TGFB1I1: variants seen among roughly 807,000 people sequenced by gnomAD.
TGFB1I1 encodes transforming growth factor beta 1 induced transcript 1.
Under a neutral mutation model 52.0 loss-of-function variants are expected in TGFB1I1, and 33 were observed. The ratio of observed to expected loss-of-function variants is 0.63; its 90% CI spans 0.48 to 0.85. The LOEUF is 0.85. Ranked by LOEUF, TGFB1I1 falls within the 40% of genes least tolerant of loss-of-function variation. The pLI is 0.00. For missense variants in TGFB1I1, 577 were observed against 614.9 expected, an observed-to-expected ratio of 0.94 and a Z score of 0.65; for synonymous variants, 236 against 253.3, an observed-to-expected ratio of 0.93 and a Z score of 0.65.
In TGFB1I1 at chr16:31,474,361, C is replaced by A. The variant is rs142547916; in HGVS notation, c.425C>A (p.Pro142Gln). Residue 142 changes from proline (P) to glutamine (Q), a missense_variant, in exon 6 of 11, where the codon CCG (proline) becomes CAG (glutamine). By Grantham distance (76) the Pro-to-Gln change is moderately conservative (BLOSUM62 -1). Transcript: ENST00000394863. This position sits in a 1 kb window ranked among gnomAD's most constrained non-coding sequence, Gnocchi z 4.2. ...CATGTTCTTCACAGCCCTTCCAGCCCGTCTCCTGGCCTCCCAAAGGCTTCT... is the reference window on the plus strand; with the variant it reads ...CATGTTCTTCACAGCCCTTCCAGCCAGTCTCCTGGCCTCCCAAAGGCTTCT... ...DKKRPSLPSS[P>Q]SPGLPKASAT... 5.6e-6 allele frequency: 9 copies of A among 1,614,176 alleles called. No individual in the cohort carries two copies. The African/African-American group carries it at 1.2e-4, about 22-fold the overall frequency.
Position 31,474,891 on chromosome 16 carries a change from A to G in TGFB1I1, c.714+134A>G, listed in dbSNP as rs866452269. 3 of 866,706 alleles carry G rather than the reference A, an allele frequency of 3.5e-6. No homozygotes were observed. Among genetic ancestry groups the G allele is most frequent in the African/African-American group, 3.4e-5 (2 of 59,088 alleles). 53.7% of individuals were successfully genotyped at this position (866,706 alleles called of 1,614,324 possible). A position where few individuals can be genotyped will look rare whatever the true frequency, so the allele number is the denominator to read the frequency against. On this transcript the variant is annotated intron_variant, in intron 7 of 10. Coordinates refer to ENST00000394863, the MANE Select transcript of TGFB1I1 (RefSeq NM_001042454.3). This position sits in a 1 kb window ranked among gnomAD's most constrained non-coding sequence, Gnocchi z 4.2. ...TATCATTATTACTTATGTTTTATGG[A>G]TGAGGAAACTGAAGCTCTGAACCAC...
Position 31,473,877 on chromosome 16 carries a change from G to T in TGFB1I1, c.225G>T (p.Ala75=). 1 of 1,614,074 alleles carries T rather than the reference G, an allele frequency of 6.2e-7. No individual in the cohort carries two copies. Among genetic ancestry groups the T allele is most frequent in the Non-Finnish European group, 8.5e-7 (1 of 1,180,036 alleles). The change falls in exon 4 of 11, where the codon GCG becomes GCT. Residue 75 remains alanine, a synonymous_variant. Transcript: ENST00000394863. ...GGTCCCCAAAGCCTGCAGCCCCGGC[G>T]GCCCCTCCATTCTCCTCTTCCAGCG... ...KPRSPKPAAP[A]APPFSSSSGV...
chr16:31,477,800 G>C lies in TGFB1I1; in HGVS notation c.*224G>C. 1.6e-6 allele frequency: 1 copy of C among 609,808 alleles called. No homozygotes were observed. The highest frequency in any genetic ancestry group is 2.8e-6 in the Non-Finnish European group (1 of 362,032). The allele number at this position is 609,808 out of a possible 1,614,324, so 37.8% of individuals were successfully genotyped here. On this transcript the variant is annotated 3_prime_UTR_variant, in exon 11 of 11. Coordinates refer to ENST00000394863, the MANE Select transcript of TGFB1I1 (RefSeq NM_001042454.3). This position sits in a 1 kb window ranked among gnomAD's most constrained non-coding sequence, Gnocchi z 4.7. ...TGCACACAGACAAGAACTCCCGTGC[G>C]GGCCTCCACTCTATTCCCACCCTTG...
At chr16:31,472,325 G>A (rs2082396058) in intron 1 of TGFB1I1, 124 bp downstream of exon 1, 6 of 1,342,424 alleles carry the variant, frequency 4.5e-6, no homozygotes, top group Middle Eastern at 2.0e-4. Flanking sequence ...CTCTGCCCGC[G>A]CCTCCTTTCC....
In TGFB1I1 at chr16:31,474,127, T is replaced by C; in HGVS notation, c.326-25T>C. 6.2e-7 allele frequency: 1 copy of C among 1,613,196 alleles called. No individual in the cohort carries two copies. The highest frequency in any genetic ancestry group is 8.5e-7 in the Non-Finnish European group (1 of 1,179,352). The stretch of plus-strand genomic sequence containing the variant: ...GGTGCGTTGAGCATGGCCCTATATG[T>C]AGCGTCCTCCTCTCCTCTCTCCAGA... On this transcript the variant is annotated intron_variant, in intron 4 of 10. Transcript: ENST00000394863. This position sits in a 1 kb window ranked among gnomAD's most constrained non-coding sequence, Gnocchi z 4.2.
At chr16:31,472,242 C>A in intron 1 of TGFB1I1, 41 bp downstream of exon 1, 2 of 1,447,828 alleles carry the variant, frequency 1.4e-6, no homozygotes, top group Non-Finnish European at 1.8e-6. Flanking sequence ...CCCCTCACCG[C>A]TGCCCAGAGC....
intron 7 of TGFB1I1, chr16:31,475,712 C>T (rs2082418993): frequency 7.2e-6 from 2 of 279,482 alleles, no homozygotes; most frequent in Middle Eastern, 1.0e-3. Context: ...GAGGCACGAG[C>T]CACCCAGCCT....
intron 1 of TGFB1I1, 59 bp downstream of exon 1, chr16:31,472,260 C>T (rs932415300): frequency 7.0e-7 from 1 of 1,426,190 alleles, no homozygotes; most frequent in Admixed American, 2.6e-5. Flanking sequence ...AGCTGCCTCC[C>T]CGCCGTCGCT....
In TGFB1I1 at chr16:31,477,872, G is replaced by C; in HGVS notation, c.*296G>C. On this transcript the variant is annotated 3_prime_UTR_variant, in exon 11 of 11. Coordinates refer to ENST00000394863, the MANE Select transcript of TGFB1I1 (RefSeq NM_001042454.3). This position sits in a 1 kb window ranked among gnomAD's most constrained non-coding sequence, Gnocchi z 4.7. ...AGGGTCCTTGCAATTCCAGCGAATCGGAGGCCAGGCCAGGACGTCCTTGCT... is the reference window on the plus strand; with the variant it reads ...AGGGTCCTTGCAATTCCAGCGAATCCGAGGCCAGGCCAGGACGTCCTTGCT... 1 of 474,322 alleles carries C rather than the reference G, an allele frequency of 2.1e-6. No homozygotes were observed. The highest frequency in any genetic ancestry group is 3.5e-5 in the South Asian group (1 of 28,860). 29.4% of individuals were successfully genotyped at this position (474,322 alleles called of 1,614,324 possible).
Position 31,477,878 on chromosome 16 carries a change from C to A in TGFB1I1, c.*302C>A. ...CTTGCAATTCCAGCGAATCGGAGGC[C>A]AGGCCAGGACGTCCTTGCTCCCTGC... On this transcript the variant is annotated 3_prime_UTR_variant, in exon 11 of 11. Transcript: ENST00000394863. The surrounding 1 kb of genome is among the most constrained non-coding windows in gnomAD (Gnocchi z 4.7). 1 of 467,350 alleles carries A rather than the reference C, an allele frequency of 2.1e-6. No individual in the cohort carries two copies. The highest frequency in any genetic ancestry group is 3.8e-6 in the Non-Finnish European group (1 of 263,488). 29.0% of individuals were successfully genotyped at this position (467,350 alleles called of 1,614,324 possible).
At chr16:31,473,389 T>C in intron 1 of TGFB1I1, 52 bp from the exon 2 acceptor site, 4 of 1,580,146 alleles carry the variant, frequency 2.5e-6, no homozygotes, top group African/African-American at 1.3e-5. Context: ...GAACCTTATC[T>C]TCTGATCTAA....
chr16:31,473,205 G>A (rs2082401140), intron 1 of TGFB1I1: 2 of 1,340,540 alleles, frequency 1.5e-6, no homozygotes, highest in Non-Finnish European at 1.9e-6. Context: ...GAGAAGATGG[G>A]GAGAATAAAA....
rs934503124 is a variant in TGFB1I1 at position 31,472,472 on chromosome 16, G to A, written c.13+271G>A. ...GAGGTGCGGCGCCCGCGGGCGCCCG[G>A]GCGCGGGGCTCTGGGGAGGGAGGGG... On this transcript the variant is annotated intron_variant, in intron 1 of 10. Coordinates refer to ENST00000394863, the MANE Select transcript of TGFB1I1 (RefSeq NM_001042454.3). 31 of 474,412 alleles carry A rather than the reference G, an allele frequency of 6.5e-5. No homozygotes were observed. The East Asian group carries it at 1.2e-3, about 18-fold the overall frequency. The allele number at this position is 474,412 out of a possible 1,614,324, so 29.4% of individuals were successfully genotyped here.
rs2082427637 is a variant in TGFB1I1 at position 31,476,872 on chromosome 16, G to A, written c.981G>A (p.Glu327=). ...GEPFGDEGFH[E]REGRPYCRRD... ...GGTTCCCTCTCCTAGGTTTCCACGA[G>A]CGCGAGGGCCGCCCCTACTGCCGCC... The change falls in exon 10 of 11, where the codon GAG becomes GAA. Residue 327 remains glutamate (E), a synonymous_variant. Transcript: ENST00000394863. This position sits in a 1 kb window ranked among gnomAD's most constrained non-coding sequence, Gnocchi z 7.6. 1 of 1,611,452 alleles carries A rather than the reference G, an allele frequency of 6.2e-7. No individual in the cohort carries two copies. Among genetic ancestry groups the A allele is most frequent in the African/African-American group, 1.3e-5 (1 of 74,910 alleles).
intron 7 of TGFB1I1, 66 bp from the exon 8 acceptor site, chr16:31,475,946 A>T: frequency 6.5e-7 from 1 of 1,532,714 alleles, no homozygotes; most frequent in Non-Finnish European, 8.8e-7. Context: ...AACGCCGCGT[A>T]AATCTTGCCT....
Position 31,477,042 on chromosome 16 carries a change from C to T in TGFB1I1, c.1119+32C>T, listed in dbSNP as rs1176506909. 3 of 666,356 alleles carry T rather than the reference C, an allele frequency of 4.5e-6. No individual in the cohort carries two copies. The highest frequency in any genetic ancestry group is 4.4e-5 in the South Asian group (3 of 67,890). 41.3% of individuals were successfully genotyped at this position (666,356 alleles called of 1,614,324 possible). A position where few individuals can be genotyped will look rare whatever the true frequency, so the allele number is the denominator to read the frequency against. On this transcript the variant is annotated intron_variant, in intron 10 of 10. Coordinates refer to ENST00000394863, the MANE Select transcript of TGFB1I1 (RefSeq NM_001042454.3). The surrounding 1 kb of genome is among the most constrained non-coding windows in gnomAD (Gnocchi z 4.7). ...GCTGCGGGGCGGGGCGTTGGAGGGG[C>T]GGGTCAAGGGTACAGGGCTGTGGGG...
chr16:31,474,022 G>A lies in TGFB1I1; in HGVS notation c.325+45G>A. 6.4e-7 allele frequency: 1 copy of A among 1,566,984 alleles called. No individual in the cohort carries two copies. Among genetic ancestry groups the A allele is most frequent in the African/African-American group, 1.4e-5 (1 of 73,994 alleles). On this transcript the variant is annotated intron_variant, in intron 4 of 10. Coordinates refer to ENST00000394863, the MANE Select transcript of TGFB1I1 (RefSeq NM_001042454.3). This position sits in a 1 kb window ranked among gnomAD's most constrained non-coding sequence, Gnocchi z 4.2. ...AGGCCTTGATGCGATAGGGGCAGGGGAGGGAAGGGTGGGGCAGAGACTAAG... is the reference window on the plus strand; with the variant it reads ...AGGCCTTGATGCGATAGGGGCAGGGAAGGGAAGGGTGGGGCAGAGACTAAG...
chr16:31,476,442 G>C lies in TGFB1I1; in HGVS notation c.889-39G>C. 6.3e-7 allele frequency: 1 copy of C among 1,589,062 alleles called. No homozygotes were observed. On this transcript the variant is annotated intron_variant, in intron 8 of 10. Transcript: ENST00000394863. The surrounding 1 kb of genome is among the most constrained non-coding windows in gnomAD (Gnocchi z 7.6). ...CCGCGCGGGAGAGGAAGGCGCGAAGGCACGGAGGCCGCGCTGAGTGCCCTC... is the reference window on the plus strand; with the variant it reads ...CCGCGCGGGAGAGGAAGGCGCGAAGCCACGGAGGCCGCGCTGAGTGCCCTC...
At position 31,476,924 on chromosome 16, in the gene TGFB1I1, C is replaced by T. The variant is rs983501037; in HGVS notation, c.1033C>T (p.Arg345Cys). ...RRDFLQLFAP[R>C]CQGCQGPILD... ...GGACTTCCTGCAGCTGTTCGCCCCG[C>T]GCTGCCAGGGCTGCCAGGGCCCCAT... The change falls in exon 10 of 11, where the codon CGC becomes TGC. Residue 345 changes from arginine to cysteine, a missense_variant. Arg to Cys is a radical substitution (Grantham distance 180). Transcript: ENST00000394863. The surrounding 1 kb of genome is among the most constrained non-coding windows in gnomAD (Gnocchi z 7.6). The T allele has an allele frequency of 1.2e-6, 2 of 1,608,410 alleles. No individual in the cohort carries two copies. The highest frequency in any genetic ancestry group is 3.3e-5 in the Admixed American group (2 of 59,882).
Sources: gnomAD v4.1 joint callset for allele counts on GRCh38, gnomAD v4.1.1 for gene constraint, Gnocchi (gnomAD v3.1) non-coding constraint, MANE v1.5 for transcripts, NCBI Gene and HGNC (gene_info 2026-07-23, HGNC 2026-07-21) for gene names.